The following PDGFD variants were observed in gnomAD, a reference collection of about 807,000 sequenced individuals.
PDGFD encodes the protein platelet derived growth factor D.
In PDGFD, 30 loss-of-function variants were observed where a neutral mutation model predicts 44.7. The observed-to-expected ratio is 0.67, with a 90% CI of 0.50 to 0.91. PDGFD has a LOEUF of 0.91. Ranked by LOEUF, PDGFD falls within the 40% of genes least tolerant of loss-of-function variation. PDGFD has a pLI of 0.00. For missense variants in PDGFD, 445 were observed against 457.8 expected (o/e 0.97, Z 0.25); for synonymous variants, 173 against 168.4 (o/e 1.03, Z -0.21).
intron 1 of PDGFD, among the ~76,000 whole-genome samples, chr11:104,121,147 C>A (rs950345318): frequency 6.6e-6 from 1 of 152,006 alleles, no homozygotes; most frequent in African/African-American, 2.4e-5. Context: ...AAAAACAGAT[C>A]TTTGAATCCA....
chr11:104,090,457 CAA>C (rs61371463), intron 1 of PDGFD, among the ~76,000 whole-genome samples: 20 of 137,392 alleles, frequency 1.5e-4, no homozygotes, highest in Admixed American at 1.5e-4. Context: ...CTGTCTCTAC[CAA>C]AAAAAAAAAA....
At chr11:104,056,678 A>C (rs1860621168) in intron 1 of PDGFD, among the ~76,000 whole-genome samples, 1 of 152,212 alleles carries the variant, frequency 6.6e-6, no homozygotes, top group East Asian at 1.9e-4. Context: ...AGTTGCTTCT[A>C]AGATAGCTTG....
In PDGFD at chr11:103,985,114, A is replaced by AGT. The variant is rs1391888077; in HGVS notation, c.510+10950_510+10951insAC. Among the ~76,000 whole-genome samples the AGT allele has an allele frequency of 4.3e-3, 576 of 132,768 alleles. 63 individuals are homozygous for AGT. In the East Asian group the frequency reaches 0.085, roughly 20 times the overall value. The allele number at this position is 132,768 out of a possible 152,430, so 87.1% of individuals were successfully genotyped here. On this transcript the variant is annotated intron_variant, in intron 3 of 6. Coordinates refer to ENST00000393158, the MANE Select transcript of PDGFD (RefSeq NM_025208.5). ...TATATTATATATTAATTTATTTAAT[A>AGT]TATAATATATTAATTTATTTAATAT...
intron 1 of PDGFD, among the ~76,000 whole-genome samples, chr11:104,046,278 A>G (rs894799737): frequency 1.4e-5 from 2 of 147,618 alleles, no homozygotes; most frequent in African/African-American, 2.5e-5. Context: ...TCACTCTTTA[A>G]TAACTTTACT....
intron 1 of PDGFD, among the ~76,000 whole-genome samples, chr11:104,047,502 CT>C (rs1230268388): frequency 2.0e-5 from 3 of 147,150 alleles, no homozygotes; most frequent in Non-Finnish European, 4.5e-5. Context: ...TGATGATGCG[CT>C]TTTTTTCATG....
chr11:104,063,725 G>T (rs556532918), intron 1 of PDGFD, among the ~76,000 whole-genome samples: 10 of 152,226 alleles, frequency 6.6e-5, no homozygotes, highest in African/African-American at 2.4e-4. Context: ...AATGATGGGG[G>T]AGGTGCCACA....
intron 1 of PDGFD, among the ~76,000 whole-genome samples, chr11:104,121,844 T>C (rs954319773): frequency 4.6e-5 from 7 of 152,076 alleles, no homozygotes; most frequent in Non-Finnish European, 1.0e-4. Flanking sequence ...TACCAAATAT[T>C]AATCTAGATT....
rs374704455 is a variant in PDGFD at position 104,149,569 on chromosome 11, C to G, written c.124+14235G>C. The stretch of plus-strand genomic sequence containing the variant: ...AGGAGCAGCCCCTACCATCACACAG[C>G]TCAAACAAGAACAAATATGGCAGGC... On this transcript the variant is annotated intron_variant, in intron 1 of 6. Coordinates refer to ENST00000393158, the MANE Select transcript of PDGFD (RefSeq NM_025208.5). 6.6e-5 allele frequency among the ~76,000 whole-genome samples: 10 copies of G among 152,276 alleles called. No individual in the cohort carries two copies. In the East Asian group the frequency reaches 1.2e-3, roughly 18 times the overall value.
At chr11:103,923,824 C>T (rs1238286864) in intron 6 of PDGFD, among the ~76,000 whole-genome samples, 2 of 152,108 alleles carry the variant, frequency 1.3e-5, no homozygotes, top group African/African-American at 4.8e-5. Flanking sequence ...TTCCTTTCAT[C>T]CAGCACTTGA....
intron 1 of PDGFD, among the ~76,000 whole-genome samples, chr11:104,118,682 C>A (rs180806506): frequency 2.2e-5 from 3 of 138,346 alleles, no homozygotes; most frequent in Admixed American, 8.2e-5. Flanking sequence ...TAATGCTATA[C>A]TCACCTCCTC....
chr11:103,915,646 G>C (rs1003982549), intron 6 of PDGFD, among the ~76,000 whole-genome samples: 1 of 152,104 alleles, frequency 6.6e-6, no homozygotes, highest in African/African-American at 2.4e-5. Flanking sequence ...ACAATCTTAA[G>C]CAAAAAGAAC....
intron 1 of PDGFD, among the ~76,000 whole-genome samples, chr11:104,020,306 AC>A (rs1180297058): frequency 6.6e-6 from 1 of 152,090 alleles, no homozygotes; most frequent in Admixed American, 6.6e-5. Flanking sequence ...GATGACTGTG[AC>A]TGTGGACGTA....
At chr11:104,032,697 G>A (rs1860148211) in intron 1 of PDGFD, among the ~76,000 whole-genome samples, 1 of 149,928 alleles carries the variant, frequency 6.7e-6, no homozygotes, top group South Asian at 2.1e-4. Context: ...AATTACAAAA[G>A]GTATTGTGGA....
At chr11:104,104,538 C>T (rs1287307725) in intron 1 of PDGFD, among the ~76,000 whole-genome samples, 1 of 152,000 alleles carries the variant, frequency 6.6e-6, no homozygotes, top group Non-Finnish European at 1.5e-5. Flanking sequence ...AAATACATAA[C>T]ATTGTGTTAC....
At chr11:104,113,805 G>C (rs1861594855) in intron 1 of PDGFD, among the ~76,000 whole-genome samples, 1 of 151,910 alleles carries the variant, frequency 6.6e-6, no homozygotes, top group African/African-American at 2.4e-5. Context: ...CTGGATTTTG[G>C]CCATTCTAAT....
At chr11:104,144,974 T>A (rs1400765678) in intron 1 of PDGFD, among the ~76,000 whole-genome samples, 1 of 152,220 alleles carries the variant, frequency 6.6e-6, no homozygotes, top group East Asian at 1.9e-4. Flanking sequence ...AAGTATACTC[T>A]GAAAAAATGT....
chr11:103,949,189 G>A (rs921803216), intron 3 of PDGFD, among the ~76,000 whole-genome samples: 3 of 151,874 alleles, frequency 2.0e-5, no homozygotes, highest in African/African-American at 7.3e-5. Context: ...TTTTAGTAGA[G>A]ATGGAGTTTC....
chr11:104,111,397 G>C (rs1861555403), intron 1 of PDGFD, among the ~76,000 whole-genome samples: 1 of 151,624 alleles, frequency 6.6e-6, no homozygotes. Context: ...AGAGAAGCTG[G>C]GATTACAGCT....
intron 1 of PDGFD, among the ~76,000 whole-genome samples, chr11:104,127,558 A>G (rs1861858335): frequency 6.6e-6 from 1 of 152,178 alleles, no homozygotes; most frequent in South Asian, 2.1e-4. Flanking sequence ...GGTAACTGCA[A>G]AGAATAGCCT....
Sources: allele counts gnomAD v4.1 joint callset (sites outside exome capture counted in the v4.1 genomes callset), GRCh38; gene constraint gnomAD v4.1.1; transcripts MANE v1.5; gene names NCBI Gene and HGNC (gene_info 2026-07-23, HGNC 2026-07-21).